EGLN3: variants seen among roughly 807,000 people sequenced by gnomAD.
EGLN3 encodes the protein egl-9 family hypoxia inducible factor 3.
A neutral mutation model predicts 26.0 loss-of-function variants in EGLN3; 15 were observed. That is an observed-to-expected ratio of 0.58 (90% CI 0.39 to 0.89). EGLN3 has a LOEUF of 0.89. EGLN3 is among the 40% of genes least tolerant of loss of function. The pLI, the probability that EGLN3 is intolerant of heterozygous loss-of-function variation, is 0.00. For synonymous variants in EGLN3, 147 were observed against 127.2 expected, an observed-to-expected ratio of 1.16 and a Z score of -1.05; for missense variants, 238 against 311.6, an observed-to-expected ratio of 0.76 and a Z score of 1.78.
chr14:33,924,963 A>AAAC lies in EGLN3; in HGVS notation c.*927_*928insGTT, dbSNP rs1456521823. On this transcript the variant is annotated 3_prime_UTR_variant, in exon 5 of 5. Coordinates refer to ENST00000250457, the MANE Select transcript of EGLN3 (RefSeq NM_022073.4). Reference sequence around the variant, plus strand: ...AACTAAAAAAAAAAAAAAAAAAAAAACAGGAACACCCACATTTCCAACTCC... The same window carrying AAAC: ...AACTAAAAAAAAAAAAAAAAAAAAAAAACCAGGAACACCCACATTTCCAACTCC... 2.7e-4 allele frequency: 40 copies of AAAC among 150,940 alleles called. No homozygotes were observed. Among genetic ancestry groups the AAAC allele is most frequent in the Non-Finnish European group, 5.0e-4 (34 of 67,646 alleles). The allele number at this position is 150,940 out of a possible 1,614,324, so 9.4% of individuals were successfully genotyped here. A position where few individuals can be genotyped will look rare whatever the true frequency, so the allele number is the denominator to read the frequency against.
At chr14:33,944,797 G>A (rs574142737) in intron 1 of EGLN3, among the ~76,000 whole-genome samples, 4 of 152,250 alleles carry the variant, frequency 2.6e-5, no homozygotes, top group South Asian at 4.1e-4. Context: ...CCCCATCCAC[G>A]GACAGGTCTC....
intron 2 of EGLN3, among the ~76,000 whole-genome samples, chr14:33,929,720 C>T (rs926045673): frequency 6.6e-6 from 1 of 152,130 alleles, no homozygotes; most frequent in African/African-American, 2.4e-5. Flanking sequence ...CCAAAAAAAG[C>T]ACTCCCACCC....
At chr14:33,939,500 G>A (rs180829467) in intron 1 of EGLN3, among the ~76,000 whole-genome samples, 1 of 130,930 alleles carries the variant, frequency 7.6e-6, no homozygotes, top group African/African-American at 2.9e-5. Context: ...GTGAGCCACC[G>A]CGCCCGGCCG....
chr14:33,924,667 C>T lies in EGLN3; in HGVS notation c.*1224G>A, dbSNP rs917983292. 2.6e-5 allele frequency: 4 copies of T among 152,004 alleles called. No homozygotes were observed. The highest frequency in any genetic ancestry group is 4.4e-5 in the Non-Finnish European group (3 of 68,012). 9.4% of individuals were successfully genotyped at this position (152,004 alleles called of 1,614,324 possible). On this transcript the variant is annotated 3_prime_UTR_variant, in exon 5 of 5. Transcript: ENST00000250457. Reference sequence around the variant, plus strand: ...TAATACTGAAAACTAGGAAAAGTAGCTTTTGCAAAATACGTGCTCAATACC... The same window carrying T: ...TAATACTGAAAACTAGGAAAAGTAGTTTTTGCAAAATACGTGCTCAATACC...
chr14:33,930,998 C>T (rs1020000252), intron 2 of EGLN3, 98 bp downstream of exon 2: 26 of 1,502,902 alleles, frequency 1.7e-5, no homozygotes, highest in East Asian at 9.2e-5. Flanking sequence ...GTGGGAGATA[C>T]GGCAACTATG....
Position 33,929,221 on chromosome 14 carries a change from C to T in EGLN3, c.478-9G>A. 5 of 1,613,730 alleles carry T rather than the reference C, an allele frequency of 3.1e-6. No homozygotes were observed. The highest frequency in any genetic ancestry group is 3.4e-6 in the Non-Finnish European group (4 of 1,179,850). ...AGGATCCCACCATGTAGCTGAAAGA[C>T]ACAAAGAAGGGGGATTATTTCTTAC... is the stretch of plus-strand genomic sequence containing the variant. On this transcript the variant is annotated splice_polypyrimidine_tract_variant and intron_variant, in intron 2 of 4. Transcript: ENST00000250457.
chr14:33,939,219 T>C (rs2064464136), intron 1 of EGLN3, among the ~76,000 whole-genome samples: 1 of 152,100 alleles, frequency 6.6e-6, no homozygotes, highest in South Asian at 2.1e-4. Context: ...TTTTTTTTTT[T>C]TTCTTTTTTG....
chr14:33,951,062 C>T lies in EGLN3; in HGVS notation c.-310G>A, dbSNP rs1054484235. On this transcript the variant is annotated 5_prime_UTR_variant, in exon 1 of 5. Transcript: ENST00000250457. ...TGGGGATGGGAAGCCACCACTGCCG[C>T]GACTGCGGCCAGACTCCGGGAGACG... 2 of 327,360 alleles carry T rather than the reference C, an allele frequency of 6.1e-6. No individual in the cohort carries two copies. Among genetic ancestry groups the T allele is most frequent in the East Asian group, 5.4e-5 (1 of 18,434 alleles). The allele number at this position is 327,360 out of a possible 1,614,324, so 20.3% of individuals were successfully genotyped here.
In EGLN3 at chr14:33,946,248, C is replaced by T. The variant is rs183595149; in HGVS notation, c.357+4148G>A. Among the ~76,000 whole-genome samples the T allele has an allele frequency of 1.8e-4, 28 of 152,196 alleles. No individual in the cohort carries two copies. The East Asian group carries it at 1.9e-3, about 11-fold the overall frequency. ...AAAATTAGCCGGGCATGGTGGCGCACGCCTGTAATCCCAGCTACTCAGGAG... is the reference window on the plus strand; with the variant it reads ...AAAATTAGCCGGGCATGGTGGCGCATGCCTGTAATCCCAGCTACTCAGGAG... On this transcript the variant is annotated intron_variant, in intron 1 of 4. Transcript: ENST00000250457.
chr14:33,926,273 T>C lies in EGLN3; in HGVS notation c.689-351A>G, dbSNP rs143295737. On this transcript the variant is annotated intron_variant, in intron 4 of 4. Transcript: ENST00000250457. Reference sequence around the variant, plus strand: ...CCTGGGTGCAATTTGGAGACCACTTTGGTATTTGAGAGGTATACAGTCCAA... The same window carrying C: ...CCTGGGTGCAATTTGGAGACCACTTCGGTATTTGAGAGGTATACAGTCCAA... Among the ~76,000 whole-genome samples the C allele has an allele frequency of 2.2e-3, 341 of 152,288 alleles. 3 individuals carry two copies. The highest frequency in any genetic ancestry group is 6.4e-3 in the African/African-American group (267 of 41,560).
At chr14:33,928,159 C>T (rs777840233) in intron 3 of EGLN3, among the ~76,000 whole-genome samples, 36 of 152,190 alleles carry the variant, frequency 2.4e-4, no homozygotes, top group Non-Finnish European at 4.4e-4. Context: ...AACACAAAAG[C>T]TGACTTCAGT....
intron 1 of EGLN3, among the ~76,000 whole-genome samples, chr14:33,931,494 G>A: frequency 6.6e-6 from 1 of 152,180 alleles, no homozygotes; most frequent in East Asian, 1.9e-4. Context: ...CTATCTGCAT[G>A]CCCTGTTTGC....
chr14:33,936,668 G>A (rs12436947), intron 1 of EGLN3, among the ~76,000 whole-genome samples: 81,487 of 151,076 alleles, frequency 0.54, 22,493 homozygotes, highest in South Asian at 0.74. Flanking sequence ...GCTAGCAGCA[G>A]CTCTAGATCT....
rs906715704 is a variant in EGLN3, at chr14:33,944,888, G to A, written c.357+5508C>T. Among the ~76,000 whole-genome samples, 4 of 152,140 alleles carry A rather than the reference G, an allele frequency of 2.6e-5. No individual in the cohort carries two copies. The South Asian group carries it at 6.2e-4, about 24-fold the overall frequency. The stretch of plus-strand genomic sequence containing the variant: ...TATCCACTTCTCTGAAGCAGATAAG[G>A]TTATAGTGAAGTGGCCAGTGGCCCA... On this transcript the variant is annotated intron_variant, in intron 1 of 4. Coordinates refer to ENST00000250457, the MANE Select transcript of EGLN3 (RefSeq NM_022073.4).
chr14:33,938,387 G>A (rs1206037049), intron 1 of EGLN3, among the ~76,000 whole-genome samples: 2 of 152,212 alleles, frequency 1.3e-5, no homozygotes, highest in Admixed American at 1.3e-4. Context: ...AACAGGCCCG[G>A]CAACATCGCC....
intron 1 of EGLN3, chr14:33,948,985 CCAA>C (rs1033589178): frequency 5.3e-5 from 8 of 152,174 alleles, no homozygotes; most frequent in African/African-American, 1.9e-4. Flanking sequence ...TAATCCACCA[CCAA>C]CATGATGGAA....
intron 3 of EGLN3, among the ~76,000 whole-genome samples, chr14:33,927,999 G>A (rs1566596454): frequency 6.6e-6 from 1 of 151,858 alleles, no homozygotes; most frequent in Non-Finnish European, 1.5e-5. Flanking sequence ...TACTTCCGTA[G>A]CTAACAATTT....
chr14:33,927,156 T>TTG (rs2064367820), intron 3 of EGLN3, 123 bp from the exon 4 acceptor site: 1 of 194,236 alleles, frequency 5.1e-6, no homozygotes, highest in Non-Finnish European at 9.8e-6. Flanking sequence ...TACCCTGATT[T>TTG]ATTTATTTAT....
At chr14:33,930,954 G>T in intron 2 of EGLN3, 142 bp downstream of exon 2, 1 of 1,254,068 alleles carries the variant, frequency 8.0e-7, no homozygotes, top group Non-Finnish European at 1.1e-6. Flanking sequence ...ATTGTCGCAG[G>T]AGGTTATGAA....
Sources: allele counts gnomAD v4.1 joint callset (sites outside exome capture counted in the v4.1 genomes callset), GRCh38; gene constraint gnomAD v4.1.1; transcripts MANE v1.5; gene names NCBI Gene and HGNC (gene_info 2026-07-23, HGNC 2026-07-21).